Variants in MMP26 observed in about 807,000 individuals in gnomAD.
The protein encoded by MMP26 is matrix metallopeptidase 26, also known as matrix metalloproteinase-26.
MMP26 carries 33 observed loss-of-function variants against 31.0 expected under a neutral mutation model. The ratio of observed to expected loss-of-function variants is 1.06; its 90% confidence interval spans 0.81 to 1.42. The LOEUF (loss-of-function observed/expected upper bound fraction) is 1.42, where lower values mean the gene tolerates loss of function less well. Among genes scored for constraint, MMP26 ranks in the 40% most tolerant of loss-of-function variants. The probability of loss-of-function intolerance (pLI) is 0.00; values close to 1 mark genes in which losing one functional copy is unlikely to be tolerated. For synonymous variants in MMP26, 122 were observed against 114.9 expected, an observed-to-expected ratio of 1.06 and a Z score of -0.40; for missense variants, 347 against 316.1, an observed-to-expected ratio of 1.10 and a Z score of -0.74.
At chr11:4,862,228 A>G (rs908619614) in intron 2 of MMP26, among the ~76,000 whole-genome samples, 1 of 152,130 alleles carries the variant, frequency 6.6e-6, no homozygotes, top group African/African-American at 2.4e-5. Flanking sequence ...CTTTCTTTCC[A>G]GTGAGTATAG....
chr11:4,974,211 C>T (rs1846705198), intron 2 of MMP26, among the ~76,000 whole-genome samples: 1 of 151,934 alleles, frequency 6.6e-6, no homozygotes, highest in Non-Finnish European at 1.5e-5. Context: ...AACTCAAAGA[C>T]TTGAAACTTT....
intron 2 of MMP26, among the ~76,000 whole-genome samples, chr11:4,788,704 AG>A (rs1388230743): frequency 6.6e-6 from 1 of 152,166 alleles, no homozygotes; most frequent in African/African-American, 2.4e-5. Context: ...GTTTGGGTTT[AG>A]GCATTTTGAA....
At chr11:4,769,654 C>T in intron 2 of MMP26, 1 of 1,613,026 alleles carries the variant, frequency 6.2e-7, no homozygotes, top group Non-Finnish European at 8.5e-7. Context: ...GTGCCTCAAA[C>T]CAGAGGATAC....
chr11:4,842,692 C>A (rs1417562588), intron 2 of MMP26, among the ~76,000 whole-genome samples: 3 of 151,846 alleles, frequency 2.0e-5, no homozygotes, highest in Non-Finnish European at 4.4e-5. Flanking sequence ...GCCCCTTGAC[C>A]CTCCAAAATC....
At chr11:4,741,695 A>C (rs11033654) in intron 1 of MMP26, among the ~76,000 whole-genome samples, 17,261 of 151,302 alleles carry the variant, frequency 0.11, 1,054 homozygotes, top group Non-Finnish European at 0.13. Context: ...TCAATAGGTG[A>C]AGCAAACCAC....
chr11:4,916,857 C>A (rs1273133741), intron 2 of MMP26, among the ~76,000 whole-genome samples: 3 of 152,176 alleles, frequency 2.0e-5, no homozygotes, highest in African/African-American at 7.2e-5. Context: ...GCACCATCAA[C>A]CATGGCCACA....
At chr11:4,847,313 A>T (rs1389103156) in intron 2 of MMP26, among the ~76,000 whole-genome samples, 1 of 152,212 alleles carries the variant, frequency 6.6e-6, no homozygotes, top group Non-Finnish European at 1.5e-5. Context: ...AAGAATTGAG[A>T]CCGATAATTC....
chr11:4,808,925 T>G (rs1849313785), intron 2 of MMP26, among the ~76,000 whole-genome samples: 1 of 150,770 alleles, frequency 6.6e-6, no homozygotes, highest in Non-Finnish European at 1.5e-5. Flanking sequence ...CTTATCTTCC[T>G]TTTCTCACAG....
chr11:4,908,395 G>A, intron 2 of MMP26: 1 of 1,094,114 alleles, frequency 9.1e-7, no homozygotes, highest in Non-Finnish European at 1.4e-6. Flanking sequence ...AGTCACTAAT[G>A]AAGGACTGGA....
At chr11:4,958,532 ATCTG>A (rs538661704) in intron 2 of MMP26, among the ~76,000 whole-genome samples, 41 of 151,766 alleles carry the variant, frequency 2.7e-4, no homozygotes, top group African/African-American at 7.7e-4. Context: ...ATATCTATCT[ATCTG>A]TCTATCTATC....
chr11:4,848,590 G>T (rs767120829), intron 2 of MMP26: 2 of 1,606,038 alleles, frequency 1.2e-6, no homozygotes, highest in South Asian at 2.2e-5. Context: ...ACCACAAATA[G>T]GCTGTAGGCT....
At chr11:4,879,282 A>T (rs941939046) in intron 2 of MMP26, among the ~76,000 whole-genome samples, 1 of 152,110 alleles carries the variant, frequency 6.6e-6, no homozygotes. Context: ...TATAATCAGG[A>T]TTATTAATTG....
intron 2 of MMP26, chr11:4,913,568 G>T (rs890923462): frequency 2.0e-5 from 3 of 152,026 alleles, no homozygotes; most frequent in African/African-American, 7.3e-5. Flanking sequence ...TGTCTTGGGG[G>T]TACAATAACA....
rs941134222 is a variant in MMP26 at position 4,902,120 on chromosome 11, A to G, written c.-144-85948A>G. Among the ~76,000 whole-genome samples the G allele has an allele frequency of 2.0e-5, 3 of 152,188 alleles. No homozygotes were observed. In the East Asian group the frequency reaches 5.8e-4, roughly 29 times the overall value. ...ACAAAAGTAGCCAGTAAGAGAATCC[A>G]GTTTACAGAGAATGCTCTATTTATA... On this transcript the variant is annotated intron_variant, in intron 2 of 7. Transcript: ENST00000380390.
chr11:4,877,973 A>G (rs1564798733), intron 2 of MMP26: 2 of 152,180 alleles, frequency 1.3e-5, no homozygotes, highest in South Asian at 2.1e-4. Flanking sequence ...AAACAAAGAT[A>G]CAGAACAATT....
intron 2 of MMP26, among the ~76,000 whole-genome samples, chr11:4,926,269 A>C (rs182159362): frequency 6.6e-6 from 1 of 152,328 alleles, no homozygotes; most frequent in East Asian, 1.9e-4. Context: ...AGAGGAAGAA[A>C]TAAAGGAAAG....
intron 2 of MMP26, among the ~76,000 whole-genome samples, chr11:4,858,230 A>G (rs1850086617): frequency 6.6e-6 from 1 of 152,134 alleles, no homozygotes; most frequent in Non-Finnish European, 1.5e-5. Context: ...GGCCAGGGCA[A>G]TCAAGCAGGA....
At chr11:4,897,566 C>A (rs1230269256) in intron 2 of MMP26, among the ~76,000 whole-genome samples, 1 of 152,048 alleles carries the variant, frequency 6.6e-6, no homozygotes, top group Non-Finnish European at 1.5e-5. Flanking sequence ...TTTGTTATAG[C>A]TTTCTCACTT....
In MMP26 at chr11:4,830,575, G is replaced by C. The variant is rs553652658; in HGVS notation, c.-145+63234G>C. Among the ~76,000 whole-genome samples the C allele has an allele frequency of 1.1e-4, 16 of 152,292 alleles. No homozygotes were observed. The South Asian group carries it at 2.9e-3, about 28-fold the overall frequency. On this transcript the variant is annotated intron_variant, in intron 2 of 7. Coordinates refer to ENST00000380390, the MANE Select transcript of MMP26 (RefSeq NM_021801.5). Reference sequence around the variant, plus strand: ...CCCTCAGGCATGAAACCTTGGGAATGGCTCATTTCGAGGGGATTCATTGAA... The same window carrying C: ...CCCTCAGGCATGAAACCTTGGGAATCGCTCATTTCGAGGGGATTCATTGAA...
Sources: allele counts gnomAD v4.1 joint callset (sites outside exome capture counted in the v4.1 genomes callset), GRCh38; gene constraint gnomAD v4.1.1; transcripts MANE v1.5; gene names NCBI Gene and HGNC (gene_info 2026-07-23, HGNC 2026-07-21).